Variants in SCHIP1 observed in about 807,000 individuals in gnomAD.
SCHIP1 encodes the protein schwannomin-interacting protein 1.
SCHIP1 carries 8 observed loss-of-function variants against 29.7 expected under a neutral mutation model. That is an observed-to-expected ratio of 0.27 (90% CI 0.16 to 0.49). SCHIP1 has a LOEUF of 0.49. Ranked by LOEUF, SCHIP1 falls within the 20% of genes least tolerant of loss-of-function variation. The probability of loss-of-function intolerance (pLI) is 0.99; values close to 1 mark genes in which losing one functional copy is unlikely to be tolerated. For synonymous variants in SCHIP1, 76 were observed against 94.9 expected (o/e 0.80, Z 1.16); for missense variants, 193 against 294.6 (o/e 0.66, Z 2.52).
At chr3:159,289,809 G>A in the SCHIP1 span, among the ~76,000 whole-genome samples, 1 of 152,196 alleles carries the variant, frequency 6.6e-6, no homozygotes, top group Non-Finnish European at 1.5e-5. Context: ...AACAACAGGA[G>A]AGGAAATAAA....
At chr3:159,538,687 A>G in the SCHIP1 span, among the ~76,000 whole-genome samples, 13 of 152,272 alleles carry the variant, frequency 8.5e-5, no homozygotes, top group East Asian at 2.5e-3. Context: ...GTTTGCCTGT[A>G]CCTGCGAAGC....
the SCHIP1 span, among the ~76,000 whole-genome samples, chr3:159,523,218 A>G: frequency 9.9e-5 from 15 of 152,232 alleles, no homozygotes; most frequent in African/African-American, 3.1e-4. Flanking sequence ...ATCACACTGG[A>G]AAAAACTAAT....
the SCHIP1 span, among the ~76,000 whole-genome samples, chr3:159,710,950 A>G: frequency 2.0e-5 from 3 of 152,192 alleles, no homozygotes; most frequent in Non-Finnish European, 4.4e-5. Context: ...CAATGCAAAA[A>G]GCAAGCGTGA....
chr3:159,444,354 A>T, the SCHIP1 span, among the ~76,000 whole-genome samples: 20,112 of 152,092 alleles, frequency 0.13, 1,628 homozygotes, highest in Non-Finnish European at 0.18. Context: ...ATGGACCTGC[A>T]GTTAGAGAAT....
the SCHIP1 span, among the ~76,000 whole-genome samples, chr3:159,680,668 T>C: frequency 6.7e-5 from 1 of 14,822 alleles, no homozygotes; most frequent in Non-Finnish European, 1.6e-4. Flanking sequence ...ATAAAATATA[T>C]ATTATATATA....
At chr3:159,858,541 G>A (rs1199227923) in intron 1 of SCHIP1, among the ~76,000 whole-genome samples, 1 of 152,164 alleles carries the variant, frequency 6.6e-6, no homozygotes, top group Non-Finnish European at 1.5e-5. Context: ...TCACTTCCCT[G>A]TAGCATAAGA....
chr3:159,576,893 T>A, the SCHIP1 span, among the ~76,000 whole-genome samples: 2 of 152,240 alleles, frequency 1.3e-5, no homozygotes, highest in African/African-American at 4.8e-5. Flanking sequence ...TGCCTCTGTA[T>A]TTCCCTTATA....
At chr3:159,652,673 G>A in the SCHIP1 span, among the ~76,000 whole-genome samples, 2 of 152,290 alleles carry the variant, frequency 1.3e-5, no homozygotes, top group South Asian at 2.1e-4. Flanking sequence ...GGTGTGCAAT[G>A]ACGACTGTTG....
the SCHIP1 span, among the ~76,000 whole-genome samples, chr3:159,609,470 G>A: frequency 6.6e-6 from 1 of 152,124 alleles, no homozygotes; most frequent in Non-Finnish European, 1.5e-5. Flanking sequence ...CTTTAATGAA[G>A]TAACTCCTGT....
the SCHIP1 span, among the ~76,000 whole-genome samples, chr3:159,492,445 G>A: frequency 2.5e-4 from 38 of 152,196 alleles, no homozygotes; most frequent in Non-Finnish European, 4.7e-4. Flanking sequence ...CAAGAACTAC[G>A]TGACGAATGC....
chr3:159,863,341 CA>C (rs113908634), intron 1 of SCHIP1, among the ~76,000 whole-genome samples: 83 of 141,692 alleles, frequency 5.9e-4, no homozygotes, highest in Non-Finnish European at 6.4e-4. Context: ...TCCATCTCAC[CA>C]AAAAAAAAAA....
At chr3:159,603,989 G>A in the SCHIP1 span, among the ~76,000 whole-genome samples, 4 of 152,176 alleles carry the variant, frequency 2.6e-5, no homozygotes, top group East Asian at 1.9e-4. Flanking sequence ...GCCATGAATC[G>A]ATGAATGAGC....
At chr3:159,476,689 G>A in the SCHIP1 span, among the ~76,000 whole-genome samples, 6,128 of 151,814 alleles carry the variant, frequency 0.04, 401 homozygotes, top group African/African-American at 0.14. Context: ...ATTTTTAATC[G>A]GCAAATCATA....
chr3:159,883,326 A>G (rs1577487802), intron 2 of SCHIP1, among the ~76,000 whole-genome samples: 1 of 152,276 alleles, frequency 6.6e-6, no homozygotes, highest in Middle Eastern at 3.4e-3. Flanking sequence ...ATTTTGCAAG[A>G]CTGGTTATGA....
upstream of SCHIP1, among the ~76,000 whole-genome samples, chr3:159,835,308 G>C (rs79415349): frequency 0.031 from 4,790 of 152,298 alleles, 107 homozygotes; most frequent in Admixed American, 0.052. Context: ...AGTTTCAAAA[G>C]TGAGTAACTG....
At chr3:159,615,137 G>C in the SCHIP1 span, among the ~76,000 whole-genome samples, 3 of 152,184 alleles carry the variant, frequency 2.0e-5, no homozygotes, top group Admixed American at 1.3e-4. Flanking sequence ...AGAGGTAAGG[G>C]CATTCCAGGA....
chr3:159,740,189 A>G, the SCHIP1 span, among the ~76,000 whole-genome samples: 1 of 152,246 alleles, frequency 6.6e-6, no homozygotes, highest in Non-Finnish European at 1.5e-5. Flanking sequence ...CACTTGGAGA[A>G]CAACTCAATT....
the SCHIP1 span, among the ~76,000 whole-genome samples, chr3:159,324,908 A>G: frequency 6.6e-6 from 1 of 152,154 alleles, no homozygotes; most frequent in Non-Finnish European, 1.5e-5. Flanking sequence ...TAAAACAATG[A>G]ATATTATCTT....
chr3:159,453,371 C>T, the SCHIP1 span, among the ~76,000 whole-genome samples: 22 of 152,258 alleles, frequency 1.4e-4, no homozygotes, highest in East Asian at 2.1e-3. Flanking sequence ...AACTGCAAAG[C>T]GCTGCCTAAA....
Sources: allele counts gnomAD v4.1 joint callset (sites outside exome capture counted in the v4.1 genomes callset), GRCh38; gene constraint gnomAD v4.1.1; transcripts MANE v1.5; gene names NCBI Gene and HGNC (gene_info 2026-07-23, HGNC 2026-07-21).